DENND3: variants seen among roughly 807,000 people sequenced by gnomAD.
DENND3 encodes DENN domain containing 3.
Under a neutral mutation model 135.1 loss-of-function variants are expected in DENND3, and 88 were observed. The ratio of observed to expected loss-of-function variants is 0.65; its 90% CI spans 0.55 to 0.78. The LOEUF is 0.78. Ranked by LOEUF, DENND3 falls within the 30% of genes least tolerant of loss-of-function variation. DENND3 has a pLI of 0.00. For synonymous variants in DENND3, 693 were observed against 712.3 expected (o/e 0.97, Z 0.43); for missense variants, 1,392 against 1,688.4 (o/e 0.82, Z 3.08).
At chr8:141,155,261 A>G (rs1053981600) in intron 7 of DENND3, among the ~76,000 whole-genome samples, 5 of 152,190 alleles carry the variant, frequency 3.3e-5, no homozygotes, top group Non-Finnish European at 4.4e-5. Flanking sequence ...TTACGTTGAC[A>G]CAGTTTATGT....
chr8:141,167,918 T>C lies in DENND3; in HGVS notation c.1754-86T>C. 6.6e-7 allele frequency: 1 copy of C among 1,508,248 alleles called. No homozygotes were observed. Among genetic ancestry groups the C allele is most frequent in the Non-Finnish European group, 8.9e-7 (1 of 1,120,270 alleles). 93.4% of individuals were successfully genotyped at this position (1,508,248 alleles called of 1,614,324 possible). A position where few individuals can be genotyped will look rare whatever the true frequency, so the allele number is the denominator to read the frequency against. The stretch of plus-strand genomic sequence containing the variant: ...TTTTATTTTGCATCCAGAGAAACAT[T>C]GTCCTTGACAAGATGATGTGACAGG... On this transcript the variant is annotated intron_variant, in intron 12 of 22. Coordinates refer to ENST00000519811, the MANE Select transcript of DENND3 (RefSeq NM_001352890.3). The surrounding 1 kb of genome is among the most constrained non-coding windows in gnomAD (Gnocchi z 4.1).
chr8:141,142,476 C>G (rs1031987314), intron 4 of DENND3: 1 of 430,922 alleles, frequency 2.3e-6, no homozygotes, highest in African/African-American at 2.1e-5. Flanking sequence ...CCTTACTGTT[C>G]AAATCAATGA....
intron 16 of DENND3, among the ~76,000 whole-genome samples, chr8:141,178,632 T>G (rs1822701076): frequency 6.6e-6 from 1 of 152,194 alleles, no homozygotes; most frequent in Admixed American, 6.5e-5. Context: ...TGGGAACGTC[T>G]ACACAGCTGG....
Position 141,141,481 on chromosome 8 carries a change from G to C in DENND3, c.623+157G>C. The C allele has an allele frequency of 1.2e-6, 1 of 847,264 alleles. No homozygotes were observed. The highest frequency in any genetic ancestry group is 1.8e-6 in the Non-Finnish European group (1 of 554,678). The allele number at this position is 847,264 out of a possible 1,614,324, so 52.5% of individuals were successfully genotyped here. ...CCGGGCGCTGGGGGCAGTAGGAGGG[G>C]CAGTTCTCTGTGCCTCTTAGGCTGT... On this transcript the variant is annotated intron_variant, in intron 4 of 22. Coordinates refer to ENST00000519811, the MANE Select transcript of DENND3 (RefSeq NM_001352890.3). The surrounding 1 kb of genome is among the most constrained non-coding windows in gnomAD (Gnocchi z 5.3).
intron 1 of DENND3, among the ~76,000 whole-genome samples, chr8:141,132,375 G>A (rs774286692): frequency 1.3e-5 from 2 of 151,800 alleles, no homozygotes; most frequent in Non-Finnish European, 2.9e-5. Flanking sequence ...TTTTTTGTGG[G>A]GGATGGAGTT....
chr8:141,143,489 C>G (rs1303584515), intron 4 of DENND3, among the ~76,000 whole-genome samples: 4 of 152,198 alleles, frequency 2.6e-5, no homozygotes, highest in African/African-American at 9.7e-5. Context: ...ACTGCATCCT[C>G]AAACTCCCGG....
Position 141,130,093 on chromosome 8 carries a change from T to C in DENND3, c.102+1284T>C, listed in dbSNP as rs1815804849. On this transcript the variant is annotated intron_variant, in intron 1 of 22. Coordinates refer to ENST00000519811, the MANE Select transcript of DENND3 (RefSeq NM_001352890.3). This position sits in a 1 kb window ranked among gnomAD's most constrained non-coding sequence, Gnocchi z 4.2. ...AAGTGACCTAGTTGCCGCTGTGGTC[T>C]CCTCAGCCGTTGAACGTCTTTCCTC... The C allele has an allele frequency of 6.6e-6, 1 of 152,234 alleles. No homozygotes were observed. The highest frequency in any genetic ancestry group is 2.1e-4 in the South Asian group (1 of 4,830). The allele number at this position is 152,234 out of a possible 1,614,324, so 9.4% of individuals were successfully genotyped here.
intron 18 of DENND3, 45 bp from the exon 19 acceptor site, chr8:141,188,941 T>C (rs756710356): frequency 8.7e-5 from 140 of 1,601,474 alleles, no homozygotes; most frequent in Non-Finnish European, 1.2e-4. Flanking sequence ...ACTTCACCAG[T>C]ATCGAGACTG....
intron 20 of DENND3, among the ~76,000 whole-genome samples, chr8:141,190,927 G>A (rs954537314): frequency 6.6e-5 from 10 of 152,230 alleles, no homozygotes; most frequent in Admixed American, 2.6e-4. Flanking sequence ...TTTGCCTGGC[G>A]GCTGTGTCTG....
Position 141,138,436 on chromosome 8 carries a change from AGTG to A in DENND3, c.501+300_501+302del, listed in dbSNP as rs1817039855. 6.6e-6 allele frequency among the ~76,000 whole-genome samples: 1 copy of A among 151,438 alleles called. No homozygotes were observed. The highest frequency in any genetic ancestry group is 2.1e-4 in the South Asian group (1 of 4,808). ...AGTCTTGCTCTGTCATCCAGGCTGGAGTGCAGTGGCACCATCTCAGCTCACTGC... is the reference window on the plus strand; with the variant it reads ...AGTCTTGCTCTGTCATCCAGGCTGGACAGTGGCACCATCTCAGCTCACTGC... On this transcript the variant is annotated intron_variant, in intron 3 of 22. Transcript: ENST00000519811. This position sits in a 1 kb window ranked among gnomAD's most constrained non-coding sequence, Gnocchi z 4.8.
chr8:141,143,157 A>T (rs1430986082), intron 4 of DENND3: 1 of 152,226 alleles, frequency 6.6e-6, no homozygotes, highest in Non-Finnish European at 1.5e-5. Flanking sequence ...TTGTAGTTTT[A>T]AAAAAATCGG....
At chr8:141,163,222 G>A (rs1820359900) in intron 9 of DENND3, 111 bp from the exon 10 acceptor site, 1 of 575,492 alleles carries the variant, frequency 1.7e-6, no homozygotes. Flanking sequence ...TGAAGAACAT[G>A]GCTTTTTCAA....
At chr8:141,155,045 G>C (rs1317880408) in intron 7 of DENND3, among the ~76,000 whole-genome samples, 1 of 152,194 alleles carries the variant, frequency 6.6e-6, no homozygotes, top group Admixed American at 6.5e-5. Context: ...TGCTGTTCGT[G>C]AATCCACTCA....
intron 17 of DENND3, among the ~76,000 whole-genome samples, chr8:141,181,307 C>T (rs1024904661): frequency 2.6e-5 from 4 of 152,170 alleles, no homozygotes; most frequent in South Asian, 2.1e-4. Flanking sequence ...CCCAGGCACC[C>T]GCCACCATGT....
rs1300041471 is a variant in DENND3, at chr8:141,182,951, G to C, written c.2944+2097G>C. 6.6e-6 allele frequency among the ~76,000 whole-genome samples: 1 copy of C among 152,216 alleles called. No homozygotes were observed. The highest frequency in any genetic ancestry group is 6.5e-5 in the Admixed American group (1 of 15,288). ...AATCGCACCCCAGAAAGACCGGGAG[G>C]CCTGCCCTTCTGGACTCAGGACGGA... On this transcript the variant is annotated intron_variant, in intron 17 of 22. Coordinates refer to ENST00000519811, the MANE Select transcript of DENND3 (RefSeq NM_001352890.3). This position sits in a 1 kb window ranked among gnomAD's most constrained non-coding sequence, Gnocchi z 5.9.
chr8:141,148,746 T>G (rs1348208887), intron 5 of DENND3, among the ~76,000 whole-genome samples: 1 of 152,044 alleles, frequency 6.6e-6, no homozygotes, highest in Non-Finnish European at 1.5e-5. Flanking sequence ...CATTTGTATT[T>G]TTTTTTTTAA....
chr8:141,172,034 G>A (rs1411656601), intron 13 of DENND3, among the ~76,000 whole-genome samples: 3 of 150,794 alleles, frequency 2.0e-5, no homozygotes, highest in Non-Finnish European at 4.4e-5. Context: ...CTGTGGGTGT[G>A]CACAGTGTCT....
intron 17 of DENND3, among the ~76,000 whole-genome samples, 187 bp downstream of exon 17, chr8:141,181,041 G>A (rs533997917): frequency 2.0e-5 from 3 of 152,308 alleles, no homozygotes; most frequent in Middle Eastern, 3.4e-3. Context: ...ACCGCTCCAC[G>A]GACTCAGCCT....
At chr8:141,150,265 C>T (rs1818632319) in intron 5 of DENND3, 1 of 1,254,994 alleles carries the variant, frequency 8.0e-7, no homozygotes, top group Admixed American at 2.7e-5. Flanking sequence ...TGAACCTTCT[C>T]CTCTGGATTT....
Sources: gnomAD v4.1 joint callset for allele counts (sites outside exome capture counted in the v4.1 genomes callset) on GRCh38, gnomAD v4.1.1 for gene constraint, Gnocchi (gnomAD v3.1) non-coding constraint, MANE v1.5 for transcripts, NCBI Gene and HGNC (gene_info 2026-07-23, HGNC 2026-07-21) for gene names.